Variants in RGMA observed in about 807,000 individuals in gnomAD.
RGMA encodes the protein repulsive guidance molecule A.
In RGMA, 10 loss-of-function variants were observed where a neutral mutation model predicts 23.2. The ratio of observed to expected loss-of-function variants is 0.43; its 90% CI spans 0.27 to 0.73. The LOEUF (loss-of-function observed/expected upper bound fraction) is 0.73, where lower values mean the gene tolerates loss of function less well. RGMA is among the 30% of genes least tolerant of loss of function. The pLI is 0.20. For synonymous variants in RGMA, 308 were observed against 279.3 expected (o/e 1.10, Z -1.03); for missense variants, 547 against 630.5 (o/e 0.87, Z 1.42).
intron 1 of RGMA, chr15:93,073,608 G>C: frequency 6.5e-7 from 1 of 1,536,886 alleles, no homozygotes; most frequent in Non-Finnish European, 8.7e-7. Flanking sequence ...GACGCCCCCT[G>C]GCTCATCAGT....
intron 2 of RGMA, among the ~76,000 whole-genome samples, chr15:93,055,644 C>G (rs992717870): frequency 6.6e-6 from 1 of 152,244 alleles, no homozygotes; most frequent in African/African-American, 2.4e-5. Flanking sequence ...GCTCCAGCCT[C>G]TCCTGCAAGA....
At chr15:93,050,181 G>A (rs1049451913) in intron 3 of RGMA, among the ~76,000 whole-genome samples, 3 of 152,178 alleles carry the variant, frequency 2.0e-5, no homozygotes, top group Non-Finnish European at 4.4e-5. Flanking sequence ...CTCTTCACTA[G>A]CCTGGGAGCT....
chr15:93,085,797 T>C (rs62045492), intron 1 of RGMA, among the ~76,000 whole-genome samples: 7,207 of 152,332 alleles, frequency 0.047, 232 homozygotes, highest in Non-Finnish European at 0.076. Flanking sequence ...TCCTGACCCC[T>C]GGGTTCTAAC....
intron 1 of RGMA, chr15:93,073,885 C>T (rs1895423120): frequency 7.5e-6 from 11 of 1,462,432 alleles, no homozygotes; most frequent in African/African-American, 1.4e-5. Flanking sequence ...ACAGCTGCCA[C>T]TCCAGAGAGA....
intron 3 of RGMA, among the ~76,000 whole-genome samples, chr15:93,051,743 G>A (rs1188659798): frequency 1.3e-5 from 2 of 152,240 alleles, no homozygotes; most frequent in African/African-American, 4.8e-5. Context: ...AAGGTCACTT[G>A]GCCTCTTAGA....
In RGMA at chr15:93,040,875, C is replaced by A. The variant is rs1372453924; in HGVS notation, c.*4123G>T. ...CCAGGGCCATGTGCGAGGCCATTGA[C>A]GAGTGTTAGCTCACTGGATTTCCAT... On this transcript the variant is annotated 3_prime_UTR_variant, in exon 4 of 4. Transcript: ENST00000329082. The A allele has an allele frequency of 6.6e-6, 1 of 152,178 alleles. No individual in the cohort carries two copies. Among genetic ancestry groups the A allele is most frequent in the African/African-American group, 2.4e-5 (1 of 41,430 alleles). The allele number at this position is 152,178 out of a possible 1,614,324, so 9.4% of individuals were successfully genotyped here.
At chr15:93,057,688 A>G (rs996676821) in intron 2 of RGMA, among the ~76,000 whole-genome samples, 1 of 152,228 alleles carries the variant, frequency 6.6e-6, no homozygotes, top group African/African-American at 2.4e-5. Flanking sequence ...TCACCTCTGC[A>G]GAAGCTGCCA....
At chr15:93,083,235 A>G (rs1192637402) in intron 1 of RGMA, among the ~76,000 whole-genome samples, 1 of 152,282 alleles carries the variant, frequency 6.6e-6, no homozygotes, top group African/African-American at 2.4e-5. Flanking sequence ...ATAGCATGGA[A>G]GAAGGTGACA....
In RGMA at chr15:93,043,284, GCGCGCACA is replaced by G. The variant is rs2054752598; in HGVS notation, c.*1706_*1713del. On this transcript the variant is annotated 3_prime_UTR_variant, in exon 4 of 4. Coordinates refer to ENST00000329082, the MANE Select transcript of RGMA (RefSeq NM_020211.3). The stretch of plus-strand genomic sequence containing the variant: ...CACACACAGGCATGCATACACACAT[GCGCGCACA>G]CACACATGCGCGCACACACACACAC... 1 of 144,622 alleles carries G rather than the reference GCGCGCACA, an allele frequency of 6.9e-6. No homozygotes were observed. Among genetic ancestry groups the G allele is most frequent in the African/African-American group, 2.6e-5 (1 of 37,878 alleles). 9.0% of individuals were successfully genotyped at this position (144,622 alleles called of 1,614,324 possible).
chr15:93,053,935 GA>G lies in RGMA; in HGVS notation c.131-1429del, dbSNP rs1013010476. ...ATATCTTTATTTAAATGTGCATTAA[GA>G]AAAAAAAATTGCTGGGTATGGCAGC... On this transcript the variant is annotated intron_variant, in intron 2 of 3. Transcript: ENST00000329082. Among the ~76,000 whole-genome samples the G allele has an allele frequency of 8.6e-5, 13 of 151,680 alleles. 1 individual carries two copies. Among genetic ancestry groups the G allele is most frequent in the Admixed American group, 3.9e-4 (6 of 15,226 alleles).
At position 93,041,146 on chromosome 15, in the gene RGMA, C is replaced by G. The variant is rs997594121; in HGVS notation, c.*3852G>C. 2 of 152,026 alleles carry G rather than the reference C, an allele frequency of 1.3e-5. No homozygotes were observed. Among genetic ancestry groups the G allele is most frequent in the Admixed American group, 6.6e-5 (1 of 15,170 alleles). The allele number at this position is 152,026 out of a possible 1,614,324, so 9.4% of individuals were successfully genotyped here. A position where few individuals can be genotyped will look rare whatever the true frequency, so the allele number is the denominator to read the frequency against. ...TGTTCTGGTAATGATTTTCACCCCCCCGTCTGCCCCCTTCATCGTGACTCT... is the reference window on the plus strand; with the variant it reads ...TGTTCTGGTAATGATTTTCACCCCCGCGTCTGCCCCCTTCATCGTGACTCT... On this transcript the variant is annotated 3_prime_UTR_variant, in exon 4 of 4. Transcript: ENST00000329082.
chr15:93,066,723 G>T (rs1386442984), intron 2 of RGMA: 1 of 352,594 alleles, frequency 2.8e-6, no homozygotes, highest in Non-Finnish European at 5.5e-6. Flanking sequence ...AGGTTGGCCA[G>T]GCTGGTCTTA....
intron 1 of RGMA, among the ~76,000 whole-genome samples, chr15:93,081,383 T>C (rs1386075936): frequency 6.6e-6 from 1 of 152,224 alleles, no homozygotes; most frequent in African/African-American, 2.4e-5. Flanking sequence ...AAGAGTGACA[T>C]TTCTTATGTT....
Position 93,043,197 on chromosome 15 carries a change from T to TGGGCGCACACACAC in RGMA, c.*1800_*1801insGTGTGTGTGCGCCC, listed in dbSNP as rs1567175178. 6.7e-6 allele frequency: 1 copy of TGGGCGCACACACAC among 150,184 alleles called. No homozygotes were observed. Among genetic ancestry groups the TGGGCGCACACACAC allele is most frequent in the Non-Finnish European group, 1.5e-5 (1 of 67,568 alleles). 9.3% of individuals were successfully genotyped at this position (150,184 alleles called of 1,614,324 possible). A position where few individuals can be genotyped will look rare whatever the true frequency, so the allele number is the denominator to read the frequency against. On this transcript the variant is annotated 3_prime_UTR_variant, in exon 4 of 4. Coordinates refer to ENST00000329082, the MANE Select transcript of RGMA (RefSeq NM_020211.3). The stretch of plus-strand genomic sequence containing the variant: ...ACACACATGCCTACATGCACACACA[T>TGGGCGCACACACAC]AGGCATGGGCGCACACACAGGCATG...
chr15:93,054,465 T>C (rs563124227), intron 2 of RGMA, among the ~76,000 whole-genome samples: 2 of 150,494 alleles, frequency 1.3e-5, no homozygotes, highest in South Asian at 4.4e-4. Context: ...ATTTCCCCCA[T>C]ACTGTTCTGG....
chr15:93,072,542 G>A (rs1016428228), intron 2 of RGMA, among the ~76,000 whole-genome samples: 10 of 152,056 alleles, frequency 6.6e-5, no homozygotes, highest in South Asian at 2.1e-4. Context: ...GCTGGGCGAG[G>A]AGCTGAAGAA....
intron 3 of RGMA, among the ~76,000 whole-genome samples, chr15:93,046,954 T>C (rs7181568): frequency 0.69 from 105,040 of 151,940 alleles, 37,167 homozygotes; most frequent in East Asian, 0.93. Context: ...TACAGCATGC[T>C]AAGCACTGCA....
chr15:93,064,187 TCTAGGCAAGAGGAGCC>T (rs1260157621), intron 2 of RGMA, among the ~76,000 whole-genome samples: 1 of 152,138 alleles, frequency 6.6e-6, no homozygotes, highest in Non-Finnish European at 1.5e-5. Context: ...TGATAGCTTC[TCTAGGCAAGAGGAGCC>T]CTAGGCTGGC....
chr15:93,070,962 C>G (rs1878557295), intron 2 of RGMA, among the ~76,000 whole-genome samples: 1 of 152,250 alleles, frequency 6.6e-6, no homozygotes, highest in Non-Finnish European at 1.5e-5. Flanking sequence ...AAAACCACCA[C>G]CACTCAGGCC....
Sources: gnomAD v4.1 joint callset for allele counts (sites outside exome capture counted in the v4.1 genomes callset) on GRCh38, gnomAD v4.1.1 for gene constraint, MANE v1.5 for transcripts, NCBI Gene and HGNC (gene_info 2026-07-23, HGNC 2026-07-21) for gene names.